The following SMARCA4 variants were observed in gnomAD, a reference collection of about 807,000 sequenced individuals.
SMARCA4 encodes the protein SWI/SNF-related matrix-associated actin-dependent regulator of chromatin subfamily A member 4.
Under a neutral mutation model 193.9 loss-of-function variants are expected in SMARCA4, and 31 were observed. The observed-to-expected ratio is 0.16, with a 90% CI of 0.12 to 0.22. The LOEUF is 0.22. Ranked by LOEUF, SMARCA4 falls within the 10% of genes least tolerant of loss-of-function variation. SMARCA4 has a pLI of 1.00. For missense variants in SMARCA4, 1,148 were observed against 2,296.0 expected, an observed-to-expected ratio of 0.50 and a Z score of 10.22; for synonymous variants, 942 against 933.1, an observed-to-expected ratio of 1.01 and a Z score of -0.17.
At chr19:11,051,439 T>G (rs1269505744) in intron 30 of SMARCA4, among the ~76,000 whole-genome samples, 1 of 151,750 alleles carries the variant, frequency 6.6e-6, no homozygotes, top group Non-Finnish European at 1.5e-5. Context: ...GCCCTTCCTT[T>G]CAGTGAGCCT....
Position 10,987,150 on chromosome 19 carries a change from T to C in SMARCA4, c.859+147T>C. 1 of 685,014 alleles carries C rather than the reference T, an allele frequency of 1.5e-6. No homozygotes were observed. Among genetic ancestry groups the C allele is most frequent in the East Asian group, 2.7e-5 (1 of 36,924 alleles). The allele number at this position is 685,014 out of a possible 1,614,324, so 42.4% of individuals were successfully genotyped here. On this transcript the variant is annotated intron_variant, in intron 5 of 34. Coordinates refer to ENST00000344626, the MANE Select transcript of SMARCA4 (RefSeq NM_003072.5). This position sits in a 1 kb window ranked among gnomAD's most constrained non-coding sequence, Gnocchi z 5.3. The stretch of plus-strand genomic sequence containing the variant: ...TACTTTTCTTGTGGTGGTCCCCGGG[T>C]CTCCCCTGTAGCCAGTCAGTTCCCA...
intron 21 of SMARCA4, among the ~76,000 whole-genome samples, 162 bp downstream of exon 21, chr19:11,024,600 A>G (rs1238186777): frequency 6.6e-6 from 1 of 152,112 alleles, no homozygotes; most frequent in East Asian, 1.9e-4. Context: ...TTGTGTCAGG[A>G]CACACTGACT....
rs111346965 is a variant in SMARCA4, at chr19:10,974,814, C to G, written c.-31-9307C>G. ...CTCTGGCTGCTGGGTTCAAGTGATT[C>G]TCCTGCCTCTGCCTCCCAAGTAGCT... is the stretch of plus-strand genomic sequence containing the variant. On this transcript the variant is annotated intron_variant, in intron 1 of 34. Coordinates refer to ENST00000344626, the MANE Select transcript of SMARCA4 (RefSeq NM_003072.5). Among the ~76,000 whole-genome samples, 337 of 140,826 alleles carry G rather than the reference C, an allele frequency of 2.4e-3. 6 individuals are homozygous for G. The highest frequency in any genetic ancestry group is 8.4e-3 in the African/African-American group (318 of 37,674). The allele number at this position is 140,826 out of a possible 152,430, so 92.4% of individuals were successfully genotyped here.
At chr19:11,050,488 G>C (rs903447488) in intron 30 of SMARCA4, among the ~76,000 whole-genome samples, 30 of 152,346 alleles carry the variant, frequency 2.0e-4, no homozygotes, top group African/African-American at 7.2e-4. Flanking sequence ...TGTGCACTGT[G>C]GGAGGGGACG....
At chr19:11,027,298 G>A (rs1449891932) in intron 23 of SMARCA4, among the ~76,000 whole-genome samples, 2 of 152,180 alleles carry the variant, frequency 1.3e-5, no homozygotes, top group Non-Finnish European at 2.9e-5. Context: ...TCGTCCCCCT[G>A]CCAGCCTCAG....
At position 11,019,665 on chromosome 19, in the gene SMARCA4, C is replaced by T. The variant is rs776649185; in HGVS notation, c.2580C>T (p.Tyr860=). ...SGKFNVLLTT[Y]EYIIKDKHIL... is the part of the protein sequence containing the mutation. ...AGTTCAACGTCTTGCTGACGACGTA[C>T]GAGTACATCATCAAAGACAAGCACA... Residue 860 remains tyrosine (Y), a synonymous_variant, in exon 18 of 35, where the codon TAC becomes TAT. Transcript: ENST00000344626. This position sits in a 1 kb window ranked among gnomAD's most constrained non-coding sequence, Gnocchi z 6.1. The T allele has an allele frequency of 1.0e-4, 162 of 1,613,614 alleles. 3 individuals carry two copies. In the South Asian group the frequency reaches 1.6e-3, roughly 16 times the overall value.
intron 1 of SMARCA4, among the ~76,000 whole-genome samples, chr19:10,973,391 G>A (rs1286284109): frequency 6.6e-6 from 1 of 151,714 alleles, no homozygotes; most frequent in African/African-American, 2.4e-5. Flanking sequence ...TTGGGTAGGT[G>A]CTCTTAAGCG....
At chr19:11,039,779 T>C (rs762479897) in intron 29 of SMARCA4, 6 of 345,136 alleles carry the variant, frequency 1.7e-5, no homozygotes, top group Non-Finnish European at 3.1e-5. Context: ...CAAGACCACA[T>C]GTCTAAGAAA....
chr19:11,004,811 G>T lies in SMARCA4; in HGVS notation c.2001+1414G>T, dbSNP rs1173856332. On this transcript the variant is annotated intron_variant, in intron 13 of 34. Coordinates refer to ENST00000344626, the MANE Select transcript of SMARCA4 (RefSeq NM_003072.5). ...TCCTTTACTGCCTTTTGTGTTCAAT[G>T]TTTTTTTTCCCTAGATTTTTATTTT... is the stretch of plus-strand genomic sequence containing the variant. Among the ~76,000 whole-genome samples the T allele has an allele frequency of 2.7e-5, 4 of 149,294 alleles. No individual in the cohort carries two copies. In the East Asian group the frequency reaches 7.8e-4, roughly 29 times the overall value.
At chr19:11,024,593 T>C (rs2090116591) in intron 21 of SMARCA4, among the ~76,000 whole-genome samples, 155 bp downstream of exon 21, 1 of 152,154 alleles carries the variant, frequency 6.6e-6, no homozygotes. Flanking sequence ...TGGTGGCTTG[T>C]GTCAGGACAC....
chr19:11,017,053 C>T (rs2089427609), intron 16 of SMARCA4, among the ~76,000 whole-genome samples: 1 of 152,178 alleles, frequency 6.6e-6, no homozygotes, highest in Non-Finnish European at 1.5e-5. Flanking sequence ...TGTGCGCGTG[C>T]TGATGCTTTG....
At chr19:10,998,869 A>C (rs1054468569) in intron 11 of SMARCA4, among the ~76,000 whole-genome samples, 33 of 147,698 alleles carry the variant, frequency 2.2e-4, no homozygotes, top group Non-Finnish European at 4.8e-4. Context: ...TCTGGAGCCA[A>C]CTCTTTCTCC....
rs374611879 is a variant in SMARCA4 at position 11,034,901 on chromosome 19, C to A, written c.3952-13C>A. On this transcript the variant is annotated splice_polypyrimidine_tract_variant and intron_variant, in intron 28 of 34. Coordinates refer to ENST00000344626, the MANE Select transcript of SMARCA4 (RefSeq NM_003072.5). This position sits in a 1 kb window ranked among gnomAD's most constrained non-coding sequence, Gnocchi z 7.0. Reference sequence around the variant, plus strand: ...CATGCTGATGCCTCTCCCGTTGCCTCCCTGCCCACCAGCGCATGGACCTGG... The same window carrying A: ...CATGCTGATGCCTCTCCCGTTGCCTACCTGCCCACCAGCGCATGGACCTGG... 1.9e-5 allele frequency: 29 copies of A among 1,547,728 alleles called. No individual in the cohort carries two copies. The highest frequency in any genetic ancestry group is 2.4e-5 in the Non-Finnish European group (28 of 1,145,106).
In SMARCA4 at chr19:10,985,232, T is replaced by A. The variant is rs755971216; in HGVS notation, c.223-41T>A. ...CGCATAGCTGCGCTGCCACCTCACG[T>A]TCCACATGCTGACCCTGCCTTGCCA... On this transcript the variant is annotated intron_variant, in intron 2 of 34. Coordinates refer to ENST00000344626, the MANE Select transcript of SMARCA4 (RefSeq NM_003072.5). The surrounding 1 kb of genome is among the most constrained non-coding windows in gnomAD (Gnocchi z 4.5). 36 of 1,612,756 alleles carry A rather than the reference T, an allele frequency of 2.2e-5. No individual in the cohort carries two copies. The highest frequency in any genetic ancestry group is 3.0e-5 in the Non-Finnish European group (35 of 1,179,376).
intron 1 of SMARCA4, among the ~76,000 whole-genome samples, chr19:10,978,658 C>T (rs2085324156): frequency 1.3e-5 from 2 of 151,836 alleles, no homozygotes; most frequent in African/African-American, 2.4e-5. Flanking sequence ...TGGATACCGG[C>T]CACATATGTG....
chr19:10,962,141 G>A (rs1443968279), intron 1 of SMARCA4, among the ~76,000 whole-genome samples: 1 of 152,032 alleles, frequency 6.6e-6, no homozygotes, highest in Non-Finnish European at 1.5e-5. Flanking sequence ...GTCACTTTAG[G>A]GAAGTGGCTT....
At position 11,039,489 on chromosome 19, in the gene SMARCA4, C is replaced by T. The variant is rs771008873; in HGVS notation, c.4171-1818C>T. 8 of 1,603,038 alleles carry T rather than the reference C, an allele frequency of 5.0e-6. No individual in the cohort carries two copies. Among genetic ancestry groups the T allele is most frequent in the Non-Finnish European group, 6.8e-6 (8 of 1,175,808 alleles). ...ACAGGAAAAGATATCCATGACACAG[C>T]CAGCAGTGTGGCACGTGGGCTACAA... On this transcript the variant is annotated intron_variant, in intron 29 of 34. Coordinates refer to ENST00000344626, the MANE Select transcript of SMARCA4 (RefSeq NM_003072.5).
In SMARCA4 at chr19:11,003,391, G is replaced by T; in HGVS notation, c.1995G>T (p.Glu665Asp). The change falls in exon 13 of 35, where the codon GAG becomes GAT. Residue 665 changes from glutamate (E) to aspartate (D), a missense_variant. Coordinates refer to ENST00000344626, the MANE Select transcript of SMARCA4 (RefSeq NM_003072.5). Reference sequence around the variant, plus strand: ...GTGAAGAAAGTGGCTCAGAAGAAGAGGAAGAGGTAAGAGTGCATTTCCTGG... The same window carrying T: ...GTGAAGAAAGTGGCTCAGAAGAAGATGAAGAGGTAAGAGTGCATTTCCTGG... The part of the protein sequence containing the change: ...SDSEESGSEE[E>D]EEEEEEEQPQ... 1 of 1,613,908 alleles carries T rather than the reference G, an allele frequency of 6.2e-7. No individual in the cohort carries two copies. The highest frequency in any genetic ancestry group is 8.5e-7 in the Non-Finnish European group (1 of 1,179,762).
chr19:10,972,863 C>G (rs1421991155), intron 1 of SMARCA4, among the ~76,000 whole-genome samples: 3 of 152,188 alleles, frequency 2.0e-5, no homozygotes, highest in Non-Finnish European at 2.9e-5. Context: ...GTAATCCCAG[C>G]ACTTTGGGAG....
Sources: gnomAD v4.1 joint callset for allele counts (sites outside exome capture counted in the v4.1 genomes callset) on GRCh38, gnomAD v4.1.1 for gene constraint, Gnocchi (gnomAD v3.1) non-coding constraint, MANE v1.5 for transcripts, NCBI Gene and HGNC (gene_info 2026-07-23, HGNC 2026-07-21) for gene names.